ADAMTS9: variants seen among roughly 807,000 people sequenced by gnomAD.
ADAMTS9 encodes ADAM metallopeptidase with thrombospondin type 1 motif 9.
Under a neutral mutation model 257.1 loss-of-function variants are expected in ADAMTS9, and 107 were observed. That is an observed-to-expected ratio of 0.42 (90% confidence interval 0.36 to 0.49). The LOEUF (loss-of-function observed/expected upper bound fraction) is 0.49, where lower values mean the gene tolerates loss of function less well. Ranked by LOEUF, ADAMTS9 falls within the 20% of genes least tolerant of loss-of-function variation. ADAMTS9 has a pLI of 0.03. For missense variants in ADAMTS9, 2,353 were observed against 2,469.1 expected (o/e 0.95, Z 1.00); for synonymous variants, 982 against 880.9 (o/e 1.11, Z -2.03).
chr3:64,576,176 G>T (rs2083841679), intron 28 of ADAMTS9, among the ~76,000 whole-genome samples: 2 of 152,194 alleles, frequency 1.3e-5, no homozygotes, highest in Admixed American at 1.3e-4. Flanking sequence ...GAAAGATGCT[G>T]TATCTGAATG....
rs940536472 is a variant in ADAMTS9 at position 64,606,993 on chromosome 3, G to T, written c.3441C>A (p.Asp1147Glu). The change falls in exon 23 of 40, where the codon GAC becomes GAA. Residue 1147 changes from aspartate to glutamate, a missense_variant. Physicochemically the swap from Asp to Glu is conservative, Grantham distance 45. Coordinates refer to ENST00000498707, the MANE Select transcript of ADAMTS9 (RefSeq NM_182920.2). ...CAGTTGGTCTAGTTGCTGCATTACAGTCATTGTCATCTACCACTGACATAT... is the reference window on the plus strand; with the variant it reads ...CAGTTGGTCTAGTTGCTGCATTACATTCATTGTCATCTACCACTGACATAT... ...GTYMSVVDDN[D>E]CNAATRPTDT... 6.2e-7 allele frequency: 1 copy of T among 1,613,864 alleles called. No individual in the cohort carries two copies. Among genetic ancestry groups the T allele is most frequent in the Non-Finnish European group, 8.5e-7 (1 of 1,179,792 alleles).
At chr3:64,580,529 G>C (rs1001172197) in intron 28 of ADAMTS9, among the ~76,000 whole-genome samples, 6 of 152,110 alleles carry the variant, frequency 3.9e-5, no homozygotes, top group Non-Finnish European at 7.3e-5. Context: ...TAGCTCAGTA[G>C]GACCTTTCCT....
chr3:64,601,903 T>C (rs755618235), intron 26 of ADAMTS9, 41 bp downstream of exon 26: 5 of 1,548,298 alleles, frequency 3.2e-6, no homozygotes, highest in Admixed American at 2.0e-5. Context: ...AAACCCAACC[T>C]CAAGTGAAAG....
chr3:64,608,569 A>G (rs557097073), intron 22 of ADAMTS9, among the ~76,000 whole-genome samples: 91 of 152,164 alleles, frequency 6.0e-4, no homozygotes, highest in Non-Finnish European at 1.2e-3. Context: ...AGAAACAGAC[A>G]AATCACAAAA....
chr3:64,678,970 A>G (rs1302395872), intron 3 of ADAMTS9, among the ~76,000 whole-genome samples: 1 of 152,212 alleles, frequency 6.6e-6, no homozygotes, highest in Admixed American at 6.5e-5. Context: ...GGTCAGGAGC[A>G]AGCAAACACT....
chr3:64,641,096 G>T (rs866012951), intron 12 of ADAMTS9, among the ~76,000 whole-genome samples: 35 of 151,364 alleles, frequency 2.3e-4, no homozygotes, highest in African/African-American at 3.4e-4. Context: ...GGGAAAAAAA[G>T]AAAAAAAATA....
chr3:64,611,822 C>A (rs537540431), intron 22 of ADAMTS9, among the ~76,000 whole-genome samples: 1 of 152,034 alleles, frequency 6.6e-6, no homozygotes, highest in Non-Finnish European at 1.5e-5. Flanking sequence ...AGTTGGGGAC[C>A]CCTGGCTTAA....
At chr3:64,670,950 A>G (rs561850130) in intron 3 of ADAMTS9, among the ~76,000 whole-genome samples, 1 of 152,348 alleles carries the variant, frequency 6.6e-6, no homozygotes, top group African/African-American at 2.4e-5. Flanking sequence ...GGAGCTACAA[A>G]ATGGCATAAC....
intron 2 of ADAMTS9, chr3:64,685,241 C>T (rs1318852427): frequency 6.6e-6 from 1 of 152,446 alleles, no homozygotes. Context: ...CGCTCTCCAC[C>T]CGATCCTTCC....
At chr3:64,672,555 C>A (rs747629295) in intron 3 of ADAMTS9, among the ~76,000 whole-genome samples, 2 of 152,084 alleles carry the variant, frequency 1.3e-5, no homozygotes, top group South Asian at 4.1e-4. Context: ...TGGTGGTGCA[C>A]ACCTGTAATC....
At position 64,649,673 on chromosome 3, in the gene ADAMTS9, C is replaced by A; in HGVS notation, c.1569G>T (p.Leu523Phe). The A allele has an allele frequency of 1.2e-6, 2 of 1,613,888 alleles. No individual in the cohort carries two copies. The highest frequency in any genetic ancestry group is 1.7e-6 in the Non-Finnish European group (2 of 1,179,916). ...ILYNVNKQCE[L>F]IFGPGSQVCP... is the part of the protein sequence containing the mutation. Reference sequence around the variant, plus strand: ...ACACCTGAGAACCTGGTCCAAAAATCAATTCACATTGTTTATTCACGTTGT... The same window carrying A: ...ACACCTGAGAACCTGGTCCAAAAATAAATTCACATTGTTTATTCACGTTGT... Residue 523 changes from leucine to phenylalanine, a missense_variant, in exon 10 of 40, where the codon TTG (leucine) becomes TTT (phenylalanine). This residue lies in a region of ADAMTS9 where 360 missense variants were observed against 458.1 expected (regional missense o/e 0.79). Coordinates refer to ENST00000498707, the MANE Select transcript of ADAMTS9 (RefSeq NM_182920.2).
chr3:64,581,145 A>C (rs989804845), intron 28 of ADAMTS9, among the ~76,000 whole-genome samples: 2 of 152,160 alleles, frequency 1.3e-5, no homozygotes, highest in African/African-American at 4.8e-5. Context: ...ATGTTTAATA[A>C]ATGAGGGCCT....
chr3:64,649,440 G>A lies in ADAMTS9; in HGVS notation c.1605+197C>T, dbSNP rs143524926. ...TGTCACGAGGATGAAATGAGAAAGTGCAGGTAAAGCACTATTTAACACTGA... is the reference window on the plus strand; with the variant it reads ...TGTCACGAGGATGAAATGAGAAAGTACAGGTAAAGCACTATTTAACACTGA... On this transcript the variant is annotated intron_variant, in intron 10 of 39. Coordinates refer to ENST00000498707, the MANE Select transcript of ADAMTS9 (RefSeq NM_182920.2). Among the ~76,000 whole-genome samples, 461 of 152,304 alleles carry A rather than the reference G, an allele frequency of 3.0e-3. 3 individuals carry two copies. The highest frequency in any genetic ancestry group is 0.011 in the African/African-American group (451 of 41,556).
At chr3:64,525,744 G>A (rs2082901933) in intron 38 of ADAMTS9, among the ~76,000 whole-genome samples, 1 of 151,724 alleles carries the variant, frequency 6.6e-6, no homozygotes, top group Non-Finnish European at 1.5e-5. Context: ...CTGAGTAGCT[G>A]GGACCACAGG....
At position 64,601,934 on chromosome 3, in the gene ADAMTS9, G is replaced by C; in HGVS notation, c.4017+10C>G. Reference sequence around the variant, plus strand: ...GAAAGAGAAGCAAGCAAACTTCAGGGAATACTCACTGCTCCCCAGGGGCCA... The same window carrying C: ...GAAAGAGAAGCAAGCAAACTTCAGGCAATACTCACTGCTCCCCAGGGGCCA... On this transcript the variant is annotated intron_variant, in intron 26 of 39. Coordinates refer to ENST00000498707, the MANE Select transcript of ADAMTS9 (RefSeq NM_182920.2). The C allele has an allele frequency of 6.3e-7, 1 of 1,586,028 alleles. No individual in the cohort carries two copies. The highest frequency in any genetic ancestry group is 8.6e-7 in the Non-Finnish European group (1 of 1,165,404).
intron 28 of ADAMTS9, among the ~76,000 whole-genome samples, chr3:64,584,297 T>C (rs1368037786): frequency 6.6e-6 from 1 of 151,982 alleles, no homozygotes; most frequent in East Asian, 1.9e-4. Context: ...TAGATTCCCC[T>C]GGGAAAAGGG....
At chr3:64,538,621 C>A (rs1364134451) in intron 37 of ADAMTS9, among the ~76,000 whole-genome samples, 1 of 151,958 alleles carries the variant, frequency 6.6e-6, no homozygotes, top group Non-Finnish European at 1.5e-5. Context: ...CTGTCTAATC[C>A]ATGTAAAGTG....
At chr3:64,576,374 A>G (rs1232202394) in intron 28 of ADAMTS9, among the ~76,000 whole-genome samples, 1 of 152,196 alleles carries the variant, frequency 6.6e-6, no homozygotes, top group African/African-American at 2.4e-5. Context: ...CTGCTGTGAG[A>G]GTTGTCACAG....
chr3:64,522,330 G>A (rs2082864121), intron 38 of ADAMTS9, 70 bp from the exon 39 acceptor site: 1 of 1,385,702 alleles, frequency 7.2e-7, no homozygotes. Flanking sequence ...TGGCTTTTTG[G>A]GAAAACGTTC....
Sources: gnomAD v4.1 joint callset for allele counts (sites outside exome capture counted in the v4.1 genomes callset) on GRCh38, gnomAD v4.1.1 for gene constraint, gnomAD v4.1.1 regional missense constraint, MANE v1.5 for transcripts, NCBI Gene and HGNC (gene_info 2026-07-23, HGNC 2026-07-21) for gene names.